MFF: variants seen among roughly 807,000 people sequenced by gnomAD.
The protein encoded by MFF is chromosome 2 open reading frame 33.
In MFF, 12 loss-of-function variants were observed where a neutral mutation model predicts 36.9. That is an observed-to-expected ratio of 0.33 (90% confidence interval 0.21 to 0.53). MFF has a LOEUF of 0.53. Ranked by LOEUF, MFF falls within the 20% of genes least tolerant of loss-of-function variation. The pLI is 0.95. For missense variants in MFF, 348 were observed against 366.6 expected (o/e 0.95, Z 0.42); for synonymous variants, 99 against 126.2 (o/e 0.78, Z 1.44).
At chr2:227,354,850 C>T (rs564273487) in intron 7 of MFF, among the ~76,000 whole-genome samples, 1 of 152,196 alleles carries the variant, frequency 6.6e-6, no homozygotes, top group East Asian at 1.9e-4. Context: ...CACAGTAGAG[C>T]ATAAGTAATT....
chr2:227,350,477 T>C (rs373858456), intron 6 of MFF, among the ~76,000 whole-genome samples: 16 of 152,264 alleles, frequency 1.1e-4, no homozygotes, highest in African/African-American at 3.8e-4. Context: ...CCTTAACAGA[T>C]TGTACCAGCT....
intron 6 of MFF, chr2:227,351,984 A>G (rs963262052): frequency 6.6e-6 from 1 of 152,662 alleles, no homozygotes; most frequent in Non-Finnish European, 1.5e-5. Context: ...CTGCAACGAG[A>G]CATCAGGCAC....
At chr2:227,332,685 A>G (rs1366784646) in intron 4 of MFF, 97 bp downstream of exon 4, 1 of 848,720 alleles carries the variant, frequency 1.2e-6, no homozygotes, top group Non-Finnish European at 1.8e-6. Flanking sequence ...GCAATATGTC[A>G]TGAAAGCTTT....
At chr2:227,354,218 A>T (rs990632949) in intron 7 of MFF, among the ~76,000 whole-genome samples, 1 of 152,196 alleles carries the variant, frequency 6.6e-6, no homozygotes, top group East Asian at 1.9e-4. Flanking sequence ...ATACTTTATT[A>T]AAGTATTTTT....
At chr2:227,336,942 G>A (rs1559959791) in intron 4 of MFF, among the ~76,000 whole-genome samples, 1 of 152,196 alleles carries the variant, frequency 6.6e-6, no homozygotes. Context: ...ATATTTAAAA[G>A]GGTCCTGTGG....
rs559150992 is a variant in MFF, at chr2:227,357,635, T to A, written c.*518T>A. 2 of 154,150 alleles carry A rather than the reference T, an allele frequency of 1.3e-5. No homozygotes were observed. The highest frequency in any genetic ancestry group is 4.8e-5 in the African/African-American group (2 of 41,620). The allele number at this position is 154,150 out of a possible 1,614,324, so 9.5% of individuals were successfully genotyped here. A position where few individuals can be genotyped will look rare whatever the true frequency, so the allele number is the denominator to read the frequency against. ...TCGAACCACCTAATATTTCATAACC[T>A]TCTTCATTAGGTACTTGTACAGATT... On this transcript the variant is annotated 3_prime_UTR_variant, in exon 9 of 9. Coordinates refer to ENST00000304593, the MANE Select transcript of MFF (RefSeq NM_001277062.2).
chr2:227,327,609 T>C (rs959518287), intron 1 of MFF, among the ~76,000 whole-genome samples: 3 of 152,202 alleles, frequency 2.0e-5, no homozygotes, highest in African/African-American at 7.2e-5. Flanking sequence ...AGTCACTAGT[T>C]TTTTACAAAC....
chr2:227,355,548 A>T, intron 7 of MFF, 129 bp from the exon 8 acceptor site: 1 of 485,378 alleles, frequency 2.1e-6, no homozygotes, highest in Non-Finnish European at 3.8e-6. Flanking sequence ...AAAATATTTT[A>T]GTAATTCATA....
intron 6 of MFF, among the ~76,000 whole-genome samples, chr2:227,348,933 A>G (rs2075849105): frequency 6.6e-6 from 1 of 152,134 alleles, no homozygotes; most frequent in Non-Finnish European, 1.5e-5. Flanking sequence ...AAGAGCTAAT[A>G]TTTACAAGGG....
intron 4 of MFF, among the ~76,000 whole-genome samples, chr2:227,335,139 C>T (rs1005464134): frequency 1.4e-5 from 2 of 138,852 alleles, no homozygotes; most frequent in Non-Finnish European, 3.0e-5. Context: ...CACTGTACTC[C>T]GGTCTGGGCA....
chr2:227,345,042 T>C (rs2075635751), intron 5 of MFF, among the ~76,000 whole-genome samples: 1 of 152,296 alleles, frequency 6.6e-6, no homozygotes, highest in South Asian at 2.1e-4. Flanking sequence ...AGAGAGATCT[T>C]ATAGATTGTT....
chr2:227,346,397 G>C (rs189533996), intron 5 of MFF: 14 of 165,450 alleles, frequency 8.5e-5, no homozygotes, highest in Admixed American at 4.6e-4. Context: ...CAGATCTTAA[G>C]AGTTTAGGTT....
At chr2:227,342,768 C>CA (rs766986319) in intron 5 of MFF, 1 of 1,613,530 alleles carries the variant, frequency 6.2e-7, no homozygotes, top group Admixed American at 1.7e-5. Flanking sequence ...GATTCTGCCC[C>CA]AAGAAATAAA....
intron 2 of MFF, chr2:227,329,644 A>G (rs1172646532): frequency 2.4e-6 from 2 of 843,078 alleles, no homozygotes; most frequent in Non-Finnish European, 4.1e-6. Context: ...TACACCTCCA[A>G]AAAAAGTTCA....
intron 7 of MFF, 112 bp downstream of exon 7, chr2:227,352,685 A>G (rs1276760728): frequency 1.1e-5 from 10 of 874,610 alleles, no homozygotes; most frequent in Admixed American, 5.6e-5. Flanking sequence ...ACTTGTTTCT[A>G]CAGCTTTCCT....
chr2:227,342,975 T>C (rs1337907372), intron 5 of MFF, among the ~76,000 whole-genome samples: 1 of 152,052 alleles, frequency 6.6e-6, no homozygotes, highest in Non-Finnish European at 1.5e-5. Context: ...TCTCAAACTG[T>C]CATTATATGC....
chr2:227,327,126 G>C (rs552621419), intron 1 of MFF, among the ~76,000 whole-genome samples: 2 of 151,740 alleles, frequency 1.3e-5, no homozygotes, highest in African/African-American at 4.8e-5. Context: ...TTAAAAAGTC[G>C]AGTTAAAAAA....
intron 4 of MFF, among the ~76,000 whole-genome samples, chr2:227,334,097 A>G (rs1012170023): frequency 2.6e-5 from 4 of 152,222 alleles, no homozygotes; most frequent in Non-Finnish European, 5.9e-5. Flanking sequence ...CCATTTACTA[A>G]CCACATAACT....
In MFF at chr2:227,357,162, A is replaced by G. The variant is rs1413602621; in HGVS notation, c.*45A>G. 1.3e-6 allele frequency: 2 copies of G among 1,586,254 alleles called. No individual in the cohort carries two copies. Among genetic ancestry groups the G allele is most frequent in the East Asian group, 2.2e-5 (1 of 44,588 alleles). Reference sequence around the variant, plus strand: ...AAATACTGTCTCAACAGCTGGAAATATAAAAGATTTGCAAACTTCTTTGTT... The same window carrying G: ...AAATACTGTCTCAACAGCTGGAAATGTAAAAGATTTGCAAACTTCTTTGTT... On this transcript the variant is annotated 3_prime_UTR_variant, in exon 9 of 9. Coordinates refer to ENST00000304593, the MANE Select transcript of MFF (RefSeq NM_001277062.2).
Sources: allele counts gnomAD v4.1 joint callset (sites outside exome capture counted in the v4.1 genomes callset), GRCh38; gene constraint gnomAD v4.1.1; transcripts MANE v1.5; gene names NCBI Gene and HGNC (gene_info 2026-07-23, HGNC 2026-07-21).